The following IPO11 variants were observed in gnomAD, a reference collection of about 807,000 sequenced individuals.
IPO11 encodes importin-11.
A neutral mutation model predicts 143.2 loss-of-function variants in IPO11; 66 were observed. The observed-to-expected ratio is 0.46, with a 90% CI of 0.38 to 0.57. The LOEUF is 0.57. Among genes scored for constraint, IPO11 ranks in the 20% least tolerant of loss-of-function variants. The pLI, the probability that IPO11 is intolerant of heterozygous loss-of-function variation, is 0.00. For synonymous variants in IPO11, 385 were observed against 377.8 expected (o/e 1.02, Z -0.22); for missense variants, 1,026 against 1,141.0 (o/e 0.90, Z 1.45).
chr5:62,444,170 A>G (rs112833304), intron 3 of IPO11, among the ~76,000 whole-genome samples: 3 of 147,652 alleles, frequency 2.0e-5, no homozygotes, highest in African/African-American at 7.5e-5. Flanking sequence ...ATCTCGGCCT[A>G]CTGCAAGCTC....
intron 2 of IPO11, among the ~76,000 whole-genome samples, chr5:62,442,531 T>A (rs1744525192): frequency 6.6e-6 from 1 of 152,182 alleles, no homozygotes; most frequent in Non-Finnish European, 1.5e-5. Flanking sequence ...CGATATGATA[T>A]ATGTAGTGAT....
chr5:62,542,500 C>T (rs1372344978), intron 24 of IPO11, among the ~76,000 whole-genome samples: 1 of 152,028 alleles, frequency 6.6e-6, no homozygotes, highest in African/African-American at 2.4e-5. Context: ...TTTAGTATCT[C>T]TCATACCATT....
At chr5:62,503,427 A>G (rs1741427422) in intron 16 of IPO11, among the ~76,000 whole-genome samples, 2 of 148,812 alleles carry the variant, frequency 1.3e-5, no homozygotes, top group Admixed American at 1.3e-4. Context: ...ATATATTAAT[A>G]GTATCTATTA....
chr5:62,604,091 T>C (rs904660562), intron 29 of IPO11, among the ~76,000 whole-genome samples: 19 of 152,240 alleles, frequency 1.2e-4, no homozygotes, highest in African/African-American at 4.3e-4. Flanking sequence ...CCATAATGTT[T>C]ACACAAGGAA....
intron 1 of IPO11, among the ~76,000 whole-genome samples, chr5:62,422,720 T>C (rs938764704): frequency 5.3e-5 from 8 of 152,208 alleles, no homozygotes; most frequent in Non-Finnish European, 1.2e-4. Flanking sequence ...GAGACAGAAA[T>C]ACTCAAGTTT....
At chr5:62,448,655 A>G (rs1744801632) in intron 3 of IPO11, among the ~76,000 whole-genome samples, 1 of 152,120 alleles carries the variant, frequency 6.6e-6, no homozygotes, top group African/African-American at 2.4e-5. Flanking sequence ...GGCTCAAGAA[A>G]TCCTCCTGTC....
chr5:62,422,305 T>A (rs927367629), intron 1 of IPO11, among the ~76,000 whole-genome samples: 1 of 152,110 alleles, frequency 6.6e-6, no homozygotes, highest in Non-Finnish European at 1.5e-5. Flanking sequence ...TTTTGTGTTT[T>A]TAGTAGAAAT....
At chr5:62,581,150 GC>G (rs1458629362) in intron 27 of IPO11, 1 of 1,550,940 alleles carries the variant, frequency 6.4e-7, no homozygotes, top group Non-Finnish European at 8.7e-7. Flanking sequence ...GAATACTACA[GC>G]TTTTATCAGT....
chr5:62,500,768 G>T lies in IPO11; in HGVS notation c.1591-3899G>T, dbSNP rs1042679301. 1.5e-4 allele frequency among the ~76,000 whole-genome samples: 23 copies of T among 152,136 alleles called. 1 individual carries two copies. Among genetic ancestry groups the T allele is most frequent in the Non-Finnish European group, 2.9e-4 (20 of 68,030 alleles). On this transcript the variant is annotated intron_variant, in intron 16 of 29. Coordinates refer to ENST00000325324, the MANE Select transcript of IPO11 (RefSeq NM_016338.5). ...CCTTTGTGGCCTCCCAAAGTACTGGGATTATAGGTGTGAGCAACTGCACCA... is the reference window on the plus strand; with the variant it reads ...CCTTTGTGGCCTCCCAAAGTACTGGTATTATAGGTGTGAGCAACTGCACCA...
chr5:62,500,719 A>G (rs1055035471), intron 16 of IPO11, among the ~76,000 whole-genome samples: 2 of 152,088 alleles, frequency 1.3e-5, no homozygotes, highest in Non-Finnish European at 2.9e-5. Flanking sequence ...GCTGCTCTCA[A>G]ACTTTGAGCC....
At position 62,579,933 on chromosome 5, in the gene IPO11, G is replaced by T. The variant is rs1227224818; in HGVS notation, c.2583-11644G>T. ...CAGTTCAGTACTTAAATCTACAAAG[G>T]AATCGCCTCACTGTCCTTGGGAGTG... On this transcript the variant is annotated intron_variant, in intron 27 of 29. Coordinates refer to ENST00000325324, the MANE Select transcript of IPO11 (RefSeq NM_016338.5). The T allele has an allele frequency of 1.9e-6, 3 of 1,551,224 alleles. No individual in the cohort carries two copies. The South Asian group carries it at 3.6e-5, about 18-fold the overall frequency.
intron 19 of IPO11, among the ~76,000 whole-genome samples, chr5:62,507,844 A>G (rs1741604563): frequency 6.6e-6 from 1 of 152,210 alleles, no homozygotes; most frequent in South Asian, 2.1e-4. Context: ...GTTTCTGTCT[A>G]CACTCATCTT....
intron 26 of IPO11, among the ~76,000 whole-genome samples, chr5:62,553,366 T>A (rs977661086): frequency 7.0e-6 from 1 of 143,612 alleles, no homozygotes; most frequent in Non-Finnish European, 1.5e-5. Flanking sequence ...GTGTGTGTGA[T>A]ATTTTCTGTA....
intron 4 of IPO11, among the ~76,000 whole-genome samples, chr5:62,451,431 C>T (rs563706143): frequency 6.6e-6 from 1 of 152,276 alleles, no homozygotes; most frequent in South Asian, 2.1e-4. Context: ...GGGAAGACAT[C>T]TAGGTTTTCA....
At chr5:62,590,963 C>T (rs1744988036) in intron 27 of IPO11, among the ~76,000 whole-genome samples, 1 of 152,006 alleles carries the variant, frequency 6.6e-6, no homozygotes. Flanking sequence ...TCTGTGTTGT[C>T]CAGGCTGGAG....
chr5:62,569,059 C>G (rs902999378), intron 27 of IPO11, among the ~76,000 whole-genome samples: 1 of 152,112 alleles, frequency 6.6e-6, no homozygotes, highest in Non-Finnish European at 1.5e-5. Context: ...TCACTTTTCT[C>G]TTCCCTCATA....
chr5:62,475,915 GTGTT>G (rs1745941829), intron 8 of IPO11, among the ~76,000 whole-genome samples: 2 of 152,196 alleles, frequency 1.3e-5, no homozygotes, highest in South Asian at 2.1e-4. Flanking sequence ...ACACAAGTGT[GTGTT>G]TGTGTGTTTG....
chr5:62,598,391 G>GCTTGCTTGCTTGCTTTCTTT (rs1745312271), intron 28 of IPO11, among the ~76,000 whole-genome samples: 1 of 36,504 alleles, frequency 2.7e-5, no homozygotes, highest in Non-Finnish European at 4.4e-5. Context: ...TTGCTTGCTT[G>GCTTGCTTGCTTGCTTTCTTT]CTTTCTTTCT....
intron 1 of IPO11, 72 bp from the exon 2 acceptor site, chr5:62,437,202 C>A: frequency 8.1e-7 from 1 of 1,234,954 alleles, no homozygotes; most frequent in Non-Finnish European, 1.1e-6. Context: ...AGCTTTTTGT[C>A]TCCATTTATT....
Sources: allele counts gnomAD v4.1 joint callset (sites outside exome capture counted in the v4.1 genomes callset), GRCh38; gene constraint gnomAD v4.1.1; transcripts MANE v1.5; gene names NCBI Gene and HGNC (gene_info 2026-07-23, HGNC 2026-07-21).